UHMK1: variants seen among roughly 807,000 people sequenced by gnomAD.
UHMK1 encodes U2AF homology motif kinase 1.
Under a neutral mutation model 44.0 loss-of-function variants are expected in UHMK1, and 18 were observed. The observed-to-expected ratio is 0.41, with a 90% CI of 0.28 to 0.61. UHMK1 has a LOEUF of 0.61. UHMK1 is among the 20% of genes least tolerant of loss of function. The pLI, the probability that UHMK1 is intolerant of heterozygous loss-of-function variation, is 0.31. For missense variants in UHMK1, 463 were observed against 522.5 expected (o/e 0.89, Z 1.11); for synonymous variants, 231 against 198.5 (o/e 1.16, Z -1.38).
chr1:162,524,161 C>T lies in UHMK1; in HGVS notation c.*1611C>T, dbSNP rs1277217620. On this transcript the variant is annotated 3_prime_UTR_variant, in exon 8 of 8. Transcript: ENST00000489294. ...CCCTGCTGGAAGCCTCCTCATATTT[C>T]CTTATGTTTGCCATGCAGGTTGCTG... 1.3e-5 allele frequency: 2 copies of T among 151,950 alleles called. No individual in the cohort carries two copies. Among genetic ancestry groups the T allele is most frequent in the Non-Finnish European group, 2.9e-5 (2 of 67,994 alleles). The allele number at this position is 151,950 out of a possible 1,614,324, so 9.4% of individuals were successfully genotyped here.
chr1:162,507,581 C>CT (rs548617627), intron 4 of UHMK1, among the ~76,000 whole-genome samples: 46,551 of 130,896 alleles, frequency 0.36, 8,521 homozygotes, highest in Non-Finnish European at 0.41. Flanking sequence ...CCCATTCTTT[C>CT]TTTTTTTTTT....
intron 4 of UHMK1, among the ~76,000 whole-genome samples, chr1:162,509,163 C>G (rs1571010398): frequency 6.6e-6 from 1 of 152,120 alleles, no homozygotes; most frequent in East Asian, 1.9e-4. Context: ...CTTGGGATAA[C>G]TTTTCTTATA....
chr1:162,522,777 G>A lies in UHMK1; in HGVS notation c.*227G>A, dbSNP rs1652106419. On this transcript the variant is annotated 3_prime_UTR_variant, in exon 8 of 8. Transcript: ENST00000489294. ...TTGAGGGGTTTTAGAGCATCCATGT[G>A]GGCAACCCTTTTTTGTGCGGGAGAG... is the stretch of plus-strand genomic sequence containing the variant. The A allele has an allele frequency of 2.5e-6, 1 of 398,692 alleles. No homozygotes were observed. Among genetic ancestry groups the A allele is most frequent in the East Asian group, 4.0e-5 (1 of 25,284 alleles). The allele number at this position is 398,692 out of a possible 1,614,324, so 24.7% of individuals were successfully genotyped here.
chr1:162,499,330 A>C lies in UHMK1; in HGVS notation c.269-625A>C, dbSNP rs117199374. Among the ~76,000 whole-genome samples, 212 of 152,108 alleles carry C rather than the reference A, an allele frequency of 1.4e-3. 5 individuals are homozygous for C. In the East Asian group the frequency reaches 0.034, roughly 25 times the overall value. Reference sequence around the variant, plus strand: ...CTGGGACTACAGGCACGTAGCACCAAGCCTGGCTAATTTTTTGTAGAGAAG... The same window carrying C: ...CTGGGACTACAGGCACGTAGCACCACGCCTGGCTAATTTTTTGTAGAGAAG... On this transcript the variant is annotated intron_variant, in intron 1 of 7. Transcript: ENST00000489294.
At chr1:162,505,682 G>A (rs1410167658) in intron 4 of UHMK1, among the ~76,000 whole-genome samples, 1 of 152,202 alleles carries the variant, frequency 6.6e-6, no homozygotes, top group Non-Finnish European at 1.5e-5. Flanking sequence ...TGCAGTATAT[G>A]ACTGTATTAT....
At chr1:162,513,101 CTGGCTAATTT>C (rs759462622) in intron 6 of UHMK1, 1 of 346,728 alleles carries the variant, frequency 2.9e-6, no homozygotes, top group Non-Finnish European at 5.6e-6. Context: ...GCCACCAGAC[CTGGCTAATTT>C]TGTATTTTTA....
At chr1:162,514,565 C>T (rs1645352675) in intron 6 of UHMK1, among the ~76,000 whole-genome samples, 2 of 152,032 alleles carry the variant, frequency 1.3e-5, no homozygotes, top group African/African-American at 4.8e-5. Context: ...ATATTAATAG[C>T]ACTGACACAC....
At position 162,522,745 on chromosome 1, in the gene UHMK1, C is replaced by CTA. The variant is rs1299378128; in HGVS notation, c.*198_*199dup. ...CACTGAGTAGGACAAGACCTCTCAG[C>CTA]TATACATTGAGGGGTTTTAGAGCAT... On this transcript the variant is annotated 3_prime_UTR_variant, in exon 8 of 8. Transcript: ENST00000489294. 1.6e-5 allele frequency: 9 copies of CTA among 559,358 alleles called. No homozygotes were observed. The East Asian group carries it at 2.8e-4, about 18-fold the overall frequency. The allele number at this position is 559,358 out of a possible 1,614,324, so 34.6% of individuals were successfully genotyped here.
At chr1:162,512,958 T>C (rs555943024) in intron 6 of UHMK1, 135 bp downstream of exon 6, 1 of 902,748 alleles carries the variant, frequency 1.1e-6, no homozygotes, top group Admixed American at 2.6e-5. Flanking sequence ...ATACTCTCAC[T>C]TTTATCTTTT....
At chr1:162,514,458 C>A (rs1361653032) in intron 6 of UHMK1, among the ~76,000 whole-genome samples, 2 of 152,118 alleles carry the variant, frequency 1.3e-5, no homozygotes, top group Non-Finnish European at 2.9e-5. Context: ...AATGTATAAA[C>A]ATTTCCTAGA....
Position 162,523,938 on chromosome 1 carries a change from G to A in UHMK1, c.*1388G>A, listed in dbSNP as rs1652150102. On this transcript the variant is annotated 3_prime_UTR_variant, in exon 8 of 8. Coordinates refer to ENST00000489294, the MANE Select transcript of UHMK1 (RefSeq NM_175866.5). Reference sequence around the variant, plus strand: ...AGGATGCTGCTATGCGTGAGTTCATGGACACAAGTTGATTACATGGTTTTT... The same window carrying A: ...AGGATGCTGCTATGCGTGAGTTCATAGACACAAGTTGATTACATGGTTTTT... 6.6e-6 allele frequency: 1 copy of A among 152,146 alleles called. No individual in the cohort carries two copies. Among genetic ancestry groups the A allele is most frequent in the East Asian group, 1.9e-4 (1 of 5,186 alleles). The allele number at this position is 152,146 out of a possible 1,614,324, so 9.4% of individuals were successfully genotyped here. A position where few individuals can be genotyped will look rare whatever the true frequency, so the allele number is the denominator to read the frequency against.
intron 4 of UHMK1, among the ~76,000 whole-genome samples, chr1:162,506,640 T>A (rs1466892272): frequency 6.6e-6 from 1 of 152,198 alleles, no homozygotes; most frequent in Non-Finnish European, 1.5e-5. Context: ...AGTAATTGCC[T>A]TTTCATTAAA....
intron 4 of UHMK1, among the ~76,000 whole-genome samples, chr1:162,506,934 A>T (rs2101674664): frequency 6.6e-6 from 1 of 152,264 alleles, no homozygotes; most frequent in Non-Finnish European, 1.5e-5. Context: ...TCTTCCATGT[A>T]TAGTAATTTT....
chr1:162,527,300 TTGACAA>T lies in UHMK1; in HGVS notation c.*4751_*4756del, dbSNP rs1321372318. The T allele has an allele frequency of 2.0e-5, 3 of 152,066 alleles. No individual in the cohort carries two copies. Among genetic ancestry groups the T allele is most frequent in the Admixed American group, 1.3e-4 (2 of 15,266 alleles). The allele number at this position is 152,066 out of a possible 1,614,324, so 9.4% of individuals were successfully genotyped here. ...CCAGTAGATTCACAGTAGCATGTAC[TTGACAA>T]GTGCCATGGATATTTAAGAAGAAGG... On this transcript the variant is annotated 3_prime_UTR_variant, in exon 8 of 8. Transcript: ENST00000489294.
chr1:162,522,480 A>G lies in UHMK1; in HGVS notation c.1190A>G (p.Lys397Arg). ...KLLTGRMFDG[K>R]FVVATFYPLS... ...CTGACTGGAAGGATGTTTGATGGGA[A>G]GTTTGTTGTGGCTACATTCTACCCG... is the stretch of plus-strand genomic sequence containing the variant. The change falls in exon 8 of 8, where the codon AAG becomes AGG. Residue 397 changes from lysine (K) to arginine (R), a missense_variant. Physicochemically the swap from Lys to Arg is conservative, Grantham distance 26 (BLOSUM62 2). Coordinates refer to ENST00000489294, the MANE Select transcript of UHMK1 (RefSeq NM_175866.5). The G allele has an allele frequency of 6.2e-7, 1 of 1,614,184 alleles. No individual in the cohort carries two copies. Among genetic ancestry groups the G allele is most frequent in the Non-Finnish European group, 8.5e-7 (1 of 1,180,024 alleles).
chr1:162,504,475 A>G (rs762648589), intron 4 of UHMK1, among the ~76,000 whole-genome samples: 2 of 152,234 alleles, frequency 1.3e-5, no homozygotes, highest in Non-Finnish European at 2.9e-5. Context: ...TGCACAGTCT[A>G]TTGCTCTTAG....
chr1:162,520,914 G>T (rs1458418813), intron 7 of UHMK1, among the ~76,000 whole-genome samples: 8 of 152,156 alleles, frequency 5.3e-5, no homozygotes, highest in Admixed American at 5.2e-4. Flanking sequence ...AGAGACAGGA[G>T]AAGTCTTTTC....
At position 162,523,129 on chromosome 1, in the gene UHMK1, A is replaced by C. The variant is rs1478837100; in HGVS notation, c.*579A>C. On this transcript the variant is annotated 3_prime_UTR_variant, in exon 8 of 8. Transcript: ENST00000489294. ...AAAGGAACTGCAGTGAGCCTATCTA[A>C]GTTTTTTTAAATTAAGGCTTTTAAA... 1 of 152,632 alleles carries C rather than the reference A, an allele frequency of 6.6e-6. No individual in the cohort carries two copies. The highest frequency in any genetic ancestry group is 1.5e-5 in the Non-Finnish European group (1 of 68,058). The allele number at this position is 152,632 out of a possible 1,614,324, so 9.5% of individuals were successfully genotyped here.
At position 162,501,236 on chromosome 1, in the gene UHMK1, C is replaced by G. The variant is rs528997276; in HGVS notation, c.753+132C>G. The G allele has an allele frequency of 5.1e-5, 43 of 840,970 alleles. No individual in the cohort carries two copies. In the East Asian group the frequency reaches 1.1e-3, roughly 22 times the overall value. The allele number at this position is 840,970 out of a possible 1,614,324, so 52.1% of individuals were successfully genotyped here. A position where few individuals can be genotyped will look rare whatever the true frequency, so the allele number is the denominator to read the frequency against. The stretch of plus-strand genomic sequence containing the variant: ...CCAGGCTGGAGTGCAGTGGCGCAAT[C>G]TCAGCTCACTGCAACCTCCACCTTC... On this transcript the variant is annotated intron_variant, in intron 3 of 7. Coordinates refer to ENST00000489294, the MANE Select transcript of UHMK1 (RefSeq NM_175866.5).
Sources: gnomAD v4.1 joint callset for allele counts (sites outside exome capture counted in the v4.1 genomes callset) on GRCh38, gnomAD v4.1.1 for gene constraint, MANE v1.5 for transcripts, NCBI Gene and HGNC (gene_info 2026-07-23, HGNC 2026-07-21) for gene names.